WDR7: variants seen among roughly 807,000 people sequenced by gnomAD.
The protein encoded by WDR7 is WD repeat-containing protein 7.
Under a neutral mutation model 169.4 loss-of-function variants are expected in WDR7, and 46 were observed. The observed-to-expected ratio is 0.27, with a 90% CI of 0.21 to 0.35. The LOEUF is 0.35. Among genes scored for constraint, WDR7 ranks in the 10% least tolerant of loss-of-function variants. The pLI, the probability that WDR7 is intolerant of heterozygous loss-of-function variation, is 1.00. For synonymous variants in WDR7, 612 were observed against 666.8 expected (o/e 0.92, Z 1.27); for missense variants, 1,534 against 1,859.3 (o/e 0.83, Z 3.22).
rs1257964211 is a variant in WDR7, at chr18:56,693,561, G to GTTTTTT, written c.967-1052_967-1047dup. The stretch of plus-strand genomic sequence containing the variant: ...CAAGCTTGATAGTTCAATTTTGTTG[G>GTTTTTT]TTTTTTTTTTTGTTTTTTTTTTTTT... On this transcript the variant is annotated intron_variant, in intron 9 of 27. Coordinates refer to ENST00000254442, the MANE Select transcript of WDR7 (RefSeq NM_015285.3). Among the ~76,000 whole-genome samples, 65 of 98,810 alleles carry GTTTTTT rather than the reference G, an allele frequency of 6.6e-4. 8 individuals are homozygous for GTTTTTT. The highest frequency in any genetic ancestry group is 0.011 in the Middle Eastern group (1 of 94). 64.8% of individuals were successfully genotyped at this position (98,810 alleles called of 152,430 possible). A position where few individuals can be genotyped will look rare whatever the true frequency, so the allele number is the denominator to read the frequency against.
At chr18:56,806,586 G>A (rs1417151790) in intron 19 of WDR7, among the ~76,000 whole-genome samples, 1 of 152,062 alleles carries the variant, frequency 6.6e-6, no homozygotes, top group African/African-American at 2.4e-5. Flanking sequence ...TGGCCTCATT[G>A]CTACCTTCAT....
chr18:56,741,727 A>T (rs957686037), intron 14 of WDR7, among the ~76,000 whole-genome samples: 1 of 152,222 alleles, frequency 6.6e-6, no homozygotes. Flanking sequence ...GGTTACTATG[A>T]ATGCAATCTC....
chr18:56,679,174 C>T (rs2025305685), intron 2 of WDR7, among the ~76,000 whole-genome samples, 158 bp from the exon 3 acceptor site: 1 of 152,174 alleles, frequency 6.6e-6, no homozygotes, highest in African/African-American at 2.4e-5. Context: ...AGAAGTTCTC[C>T]CAGGCGGCTC....
chr18:56,971,426 T>C (rs2145802000), intron 26 of WDR7, among the ~76,000 whole-genome samples: 1 of 152,306 alleles, frequency 6.6e-6, no homozygotes, highest in Non-Finnish European at 1.5e-5. Context: ...GGCTCTTATG[T>C]GCGCCAGACA....
intron 21 of WDR7, among the ~76,000 whole-genome samples, chr18:56,910,563 A>G (rs1203747914): frequency 6.6e-6 from 1 of 152,178 alleles, no homozygotes; most frequent in South Asian, 2.1e-4. Flanking sequence ...TTTTTTTTCA[A>G]CATAGACTTT....
downstream of WDR7, chr18:57,033,431 A>G (rs1336425083): frequency 6.6e-6 from 1 of 152,190 alleles, no homozygotes; most frequent in African/African-American, 2.4e-5. Context: ...AACAATCAAG[A>G]AAGTTCTTCA....
At chr18:56,822,301 T>G (rs1347987170) in intron 20 of WDR7, among the ~76,000 whole-genome samples, 1 of 152,230 alleles carries the variant, frequency 6.6e-6, no homozygotes, top group Non-Finnish European at 1.5e-5. Context: ...TCCAGCTTTT[T>G]GAAGTCATCA....
At chr18:56,793,229 A>G (rs182051713) in intron 19 of WDR7, among the ~76,000 whole-genome samples, 84 of 152,304 alleles carry the variant, frequency 5.5e-4, no homozygotes, top group African/African-American at 1.9e-3. Context: ...GTGATAACCT[A>G]TCAGACATGG....
intron 1 of WDR7, among the ~76,000 whole-genome samples, chr18:56,658,444 A>G (rs2144426031): frequency 6.6e-6 from 1 of 152,258 alleles, no homozygotes; most frequent in African/African-American, 2.4e-5. Flanking sequence ...CATTCAGCTT[A>G]GCAGTTGTAA....
intron 26 of WDR7, among the ~76,000 whole-genome samples, chr18:56,992,141 T>C (rs1194326678): frequency 6.6e-6 from 1 of 152,226 alleles, no homozygotes; most frequent in African/African-American, 2.4e-5. Context: ...TTAAGACAAC[T>C]GATCTTCTGT....
At chr18:56,731,301 T>A in intron 13 of WDR7, 82 bp from the exon 14 acceptor site, 2 of 1,479,850 alleles carry the variant, frequency 1.4e-6, no homozygotes, top group South Asian at 1.4e-5. Flanking sequence ...ACTTAAAAAA[T>A]TTTCATACCA....
chr18:57,032,842 T>TATATACAC (rs1555649900), downstream of WDR7: 1 of 121,978 alleles, frequency 8.2e-6, no homozygotes, highest in Non-Finnish European at 1.7e-5. Flanking sequence ...TATATATATA[T>TATATACAC]ATACAGTGTA....
intron 14 of WDR7, 85 bp from the exon 15 acceptor site, chr18:56,756,498 T>C: frequency 8.4e-7 from 1 of 1,193,702 alleles, no homozygotes; most frequent in East Asian, 2.6e-5. Context: ...GCATGTTAAT[T>C]CCTCTGATTA....
intron 26 of WDR7, among the ~76,000 whole-genome samples, chr18:56,981,089 C>T (rs1325859163): frequency 6.6e-6 from 1 of 152,048 alleles, no homozygotes; most frequent in Admixed American, 6.6e-5. Flanking sequence ...ATGAGAGTAG[C>T]CTTGACCGTT....
intron 19 of WDR7, among the ~76,000 whole-genome samples, chr18:56,784,785 A>G (rs2044370799): frequency 6.6e-6 from 1 of 152,094 alleles, no homozygotes; most frequent in Non-Finnish European, 1.5e-5. Flanking sequence ...TTTATGTATT[A>G]TGTTTATGTT....
chr18:56,970,634 AGT>A, intron 26 of WDR7, among the ~76,000 whole-genome samples: 1 of 152,088 alleles, frequency 6.6e-6, no homozygotes, highest in Non-Finnish European at 1.5e-5. Flanking sequence ...CCCCTGCGCG[AGT>A]GGGATATTTG....
At chr18:56,949,487 A>G (rs900168773) in intron 25 of WDR7, among the ~76,000 whole-genome samples, 1 of 152,202 alleles carries the variant, frequency 6.6e-6, no homozygotes, top group South Asian at 2.1e-4. Context: ...ATATCTATGC[A>G]TGTCTTTCAT....
chr18:56,904,851 A>G (rs1441524094), intron 21 of WDR7, among the ~76,000 whole-genome samples: 1 of 152,156 alleles, frequency 6.6e-6, no homozygotes, highest in Non-Finnish European at 1.5e-5. Context: ...GAACTAGAGA[A>G]CATTAACAAA....
chr18:56,694,559 A>G, intron 9 of WDR7, 60 bp from the exon 10 acceptor site: 3 of 1,511,144 alleles, frequency 2.0e-6, no homozygotes, highest in South Asian at 2.5e-5. Flanking sequence ...AAAAGCATTA[A>G]TGTGTGAAAT....
Sources: gnomAD v4.1 joint callset for allele counts (sites outside exome capture counted in the v4.1 genomes callset) on GRCh38, gnomAD v4.1.1 for gene constraint, MANE v1.5 for transcripts, NCBI Gene and HGNC (gene_info 2026-07-23, HGNC 2026-07-21) for gene names.